The following ROBO2 variants were observed in gnomAD, a reference collection of about 807,000 sequenced individuals.
ROBO2 encodes the protein roundabout guidance receptor 2, also known as roundabout homolog 2.
In ROBO2, 53 loss-of-function variants were observed where a neutral mutation model predicts 160.8. The ratio of observed to expected loss-of-function variants is 0.33; its 90% CI spans 0.26 to 0.41. The LOEUF is 0.41. Ranked by LOEUF, ROBO2 falls within the 10% of genes least tolerant of loss-of-function variation. ROBO2 has a pLI of 1.00. For synonymous variants in ROBO2, 664 were observed against 611.7 expected (o/e 1.09, Z -1.26); for missense variants, 1,577 against 1,722.4 (o/e 0.92, Z 1.49).
chr3:76,418,331 C>A lies in ROBO2; in HGVS notation c.109+480729C>A, dbSNP rs571570009. 2.2e-4 allele frequency among the ~76,000 whole-genome samples: 33 copies of A among 152,064 alleles called. No individual in the cohort carries two copies. The East Asian group carries it at 6.0e-3, about 28-fold the overall frequency. ...CGATCTCGGCTCACTACAACCTCAT[C>A]CTGGGTTCAAGCAATTCTCCTGCCT... On this transcript the variant is annotated intron_variant, in intron 2 of 26. Transcript: ENST00000487694.
At chr3:77,094,839 A>G (rs2070822468) in intron 1 of ROBO2, among the ~76,000 whole-genome samples, 1 of 152,064 alleles carries the variant, frequency 6.6e-6, no homozygotes, top group African/African-American at 2.4e-5. Flanking sequence ...TCTCTGTCAA[A>G]TTTGTTTAAC....
chr3:76,335,723 G>A (rs1253975945), intron 2 of ROBO2, among the ~76,000 whole-genome samples: 4 of 151,562 alleles, frequency 2.6e-5, no homozygotes, highest in East Asian at 2.0e-4. Flanking sequence ...GACTACAGGC[G>A]CCGCCACCAC....
chr3:76,659,773 A>G lies in ROBO2; in HGVS notation c.110-438241A>G, dbSNP rs530454341. 2.0e-5 allele frequency among the ~76,000 whole-genome samples: 3 copies of G among 152,332 alleles called. No homozygotes were observed. The East Asian group carries it at 5.8e-4, about 29-fold the overall frequency. ...AGGGAGGCAAAGTAAATACATAAAT[A>G]AACAACTTTACCACCACTGAGGGTT... On this transcript the variant is annotated intron_variant, in intron 2 of 26. Coordinates refer to the ROBO2 transcript ENST00000487694.
chr3:77,473,440 CTTTTTTTTTTTTTTTT>C (rs71104688), intron 2 of ROBO2, among the ~76,000 whole-genome samples: 1,232 of 77,896 alleles, frequency 0.016, 33 homozygotes, highest in Non-Finnish European at 0.022. Context: ...ACAAACTGCT[CTTTTTTTTTTTTTTTT>C]TTTTTTTTTT....
intron 2 of ROBO2, among the ~76,000 whole-genome samples, chr3:76,079,412 T>C (rs11128501): frequency 0.94 from 141,973 of 151,572 alleles, 66,616 homozygotes; most frequent in East Asian, 1. Flanking sequence ...CATGTATTCC[T>C]ATAAATATGT....
intron 2 of ROBO2, among the ~76,000 whole-genome samples, chr3:77,158,759 TGTTAA>T (rs1280649473): frequency 6.6e-6 from 1 of 152,084 alleles, no homozygotes; most frequent in Non-Finnish European, 1.5e-5. Context: ...AGTGCGGAGC[TGTTAA>T]GTTATTTATT....
At chr3:77,090,897 GT>G (rs2070140906) in intron 1 of ROBO2, among the ~76,000 whole-genome samples, 1 of 151,996 alleles carries the variant, frequency 6.6e-6, no homozygotes, top group Non-Finnish European at 1.5e-5. Flanking sequence ...TATTTATATC[GT>G]TTTGGGGAAC....
Position 75,911,714 on chromosome 3 carries a change from T to C in ROBO2, c.-14+4754T>C, listed in dbSNP as rs1395473460. On this transcript the variant is annotated intron_variant, in intron 1 of 26. Transcript: ENST00000487694. ...CTGGGACTACAGGCGCACGCCACCA[T>C]GCCCGGCTAATTTTTGTATTTTTAG... 4.6e-5 allele frequency among the ~76,000 whole-genome samples: 7 copies of C among 151,672 alleles called. No homozygotes were observed. In the East Asian group the frequency reaches 9.8e-4, roughly 21 times the overall value.
At chr3:77,119,769 C>T (rs112899026) in intron 2 of ROBO2, among the ~76,000 whole-genome samples, 108 of 152,304 alleles carry the variant, frequency 7.1e-4, no homozygotes, top group African/African-American at 2.4e-3. Context: ...AAATACATAG[C>T]TATCCATTTT....
chr3:76,406,453 T>C (rs547607793), intron 2 of ROBO2, among the ~76,000 whole-genome samples: 43 of 151,994 alleles, frequency 2.8e-4, no homozygotes, highest in Admixed American at 1.4e-3. Flanking sequence ...ATAGCAGTGA[T>C]TATTTCATAT....
At chr3:76,680,379 G>A (rs1393931027) in intron 2 of ROBO2, among the ~76,000 whole-genome samples, 3 of 145,422 alleles carry the variant, frequency 2.1e-5, no homozygotes, top group Admixed American at 6.8e-5. Context: ...AAAAAACGGC[G>A]AACAAAACCA....
intron 2 of ROBO2, among the ~76,000 whole-genome samples, chr3:77,413,747 C>T (rs139151850): frequency 9.2e-5 from 14 of 152,238 alleles, no homozygotes; most frequent in Admixed American, 4.6e-4. Flanking sequence ...GAGTCAAGGA[C>T]GACTCCACTT....
intron 2 of ROBO2, among the ~76,000 whole-genome samples, chr3:76,256,447 C>T (rs2107576561): frequency 6.6e-6 from 1 of 151,682 alleles, no homozygotes; most frequent in East Asian, 2.0e-4. Flanking sequence ...TGGCTCACAC[C>T]TGTAATCCCA....
rs1041777864 is a variant in ROBO2, at chr3:76,376,060, A to G, written c.109+438458A>G. Among the ~76,000 whole-genome samples, 3 of 151,978 alleles carry G rather than the reference A, an allele frequency of 2.0e-5. No individual in the cohort carries two copies. In the East Asian group the frequency reaches 5.8e-4, roughly 29 times the overall value. Reference sequence around the variant, plus strand: ...GAAGAAGACTGTGTCTTATATTTCTATCTCCTTCATGTGGAAGAATGCAAA... The same window carrying G: ...GAAGAAGACTGTGTCTTATATTTCTGTCTCCTTCATGTGGAAGAATGCAAA... On this transcript the variant is annotated intron_variant, in intron 2 of 26. Coordinates refer to the ROBO2 transcript ENST00000487694.
chr3:76,215,457 G>C (rs916892135), intron 2 of ROBO2, among the ~76,000 whole-genome samples: 10 of 152,130 alleles, frequency 6.6e-5, no homozygotes, highest in Non-Finnish European at 1.3e-4. Context: ...ATGCAGAGAA[G>C]TCCTTAAAGG....
chr3:76,084,565 C>T (rs2068943946), intron 2 of ROBO2, among the ~76,000 whole-genome samples: 1 of 152,066 alleles, frequency 6.6e-6, no homozygotes, highest in African/African-American at 2.4e-5. Context: ...TTCTAAATCC[C>T]TCAGTATTAT....
At chr3:77,378,632 G>A (rs1285123939) in intron 2 of ROBO2, among the ~76,000 whole-genome samples, 1 of 152,074 alleles carries the variant, frequency 6.6e-6, no homozygotes, top group East Asian at 1.9e-4. Flanking sequence ...TGTATAAATA[G>A]AGAGATATGA....
chr3:77,452,452 G>A (rs745509498), intron 2 of ROBO2, among the ~76,000 whole-genome samples: 4 of 152,184 alleles, frequency 2.6e-5, no homozygotes, highest in East Asian at 3.9e-4. Context: ...TAGTGAATAC[G>A]AAAAGCATGC....
intron 5 of ROBO2, among the ~76,000 whole-genome samples, chr3:77,509,163 G>A (rs1055621743): frequency 1.3e-5 from 2 of 152,036 alleles, no homozygotes; most frequent in Non-Finnish European, 2.9e-5. Flanking sequence ...GGAAAGAGTC[G>A]TTTGCTCCTC....
Sources: gnomAD v4.1 joint callset for allele counts (sites outside exome capture counted in the v4.1 genomes callset) on GRCh38, gnomAD v4.1.1 for gene constraint, MANE v1.5 for transcripts, NCBI Gene and HGNC (gene_info 2026-07-23, HGNC 2026-07-21) for gene names.